The following KDM4D variants were observed in gnomAD, a reference collection of about 807,000 sequenced individuals.
The protein encoded by KDM4D is lysine-specific demethylase 4D.
For missense variants in KDM4D, 427 were observed against 674.8 expected (o/e 0.63, Z 4.07); for synonymous variants, 254 against 249.1 (o/e 1.02, Z -0.19).
At chr11:94,990,328 T>G (rs1005964839) in intron 2 of KDM4D, among the ~76,000 whole-genome samples, 3 of 152,144 alleles carry the variant, frequency 2.0e-5, no homozygotes, top group Admixed American at 6.5e-5. Flanking sequence ...GAGGTTGGTA[T>G]AGAAGGAACC....
At position 94,989,843 on chromosome 11, in the gene KDM4D, G is replaced by T. The variant is rs1379478176; in HGVS notation, c.-349-7181G>T. Among the ~76,000 whole-genome samples, 4 of 149,082 alleles carry T rather than the reference G, an allele frequency of 2.7e-5. No individual in the cohort carries two copies. The East Asian group carries it at 7.9e-4, about 29-fold the overall frequency. ...CTCAGCTCACTGCAACCTCCGCCAGGTTGAACCTCCCAGGTTCAAGTGATT... is the reference window on the plus strand; with the variant it reads ...CTCAGCTCACTGCAACCTCCGCCAGTTTGAACCTCCCAGGTTCAAGTGATT... On this transcript the variant is annotated intron_variant, in intron 2 of 2. Transcript: ENST00000335080.
chr11:94,997,309 G>C lies in KDM4D; in HGVS notation c.-64G>C. On this transcript the variant is annotated 5_prime_UTR_variant, in exon 3 of 3. Coordinates refer to ENST00000335080, the MANE Select transcript of KDM4D (RefSeq NM_018039.3). ...ACCAGTCAAATTTTTTTTTAAAGTA[G>C]CATTTTCCTACATTGTCAACTATCT... 1 of 1,332,168 alleles carries C rather than the reference G, an allele frequency of 7.5e-7. No individual in the cohort carries two copies. Among genetic ancestry groups the C allele is most frequent in the Non-Finnish European group, 1.0e-6 (1 of 999,222 alleles). 82.5% of individuals were successfully genotyped at this position (1,332,168 alleles called of 1,614,324 possible).
At chr11:94,978,208 A>G (rs587627294) in intron 2 of KDM4D, among the ~76,000 whole-genome samples, 1 of 152,260 alleles carries the variant, frequency 6.6e-6, no homozygotes, top group African/African-American at 2.4e-5. Flanking sequence ...ACTGTCTCCA[A>G]TTCTACTAAA....
chr11:94,986,009 C>T (rs1204642975), intron 2 of KDM4D, among the ~76,000 whole-genome samples: 1 of 152,112 alleles, frequency 6.6e-6, no homozygotes, highest in Non-Finnish European at 1.5e-5. Context: ...TTCTTAGACA[C>T]AAAGCCAAAA....
intron 2 of KDM4D, among the ~76,000 whole-genome samples, chr11:94,977,022 A>G (rs1166282817): frequency 2.0e-5 from 3 of 152,164 alleles, no homozygotes; most frequent in Non-Finnish European, 4.4e-5. Flanking sequence ...TGCCTATAAC[A>G]TATAAAGGAT....
In KDM4D at chr11:94,997,261, G is replaced by T; in HGVS notation, c.-112G>T. Reference sequence around the variant, plus strand: ...TTGCAAAAAAAAAAGTACGCTGGTAGATCCTGCTACCTCATAGATAACACC... The same window carrying T: ...TTGCAAAAAAAAAAGTACGCTGGTATATCCTGCTACCTCATAGATAACACC... On this transcript the variant is annotated 5_prime_UTR_variant, in exon 3 of 3. Coordinates refer to ENST00000335080, the MANE Select transcript of KDM4D (RefSeq NM_018039.3). 3 of 739,482 alleles carry T rather than the reference G, an allele frequency of 4.1e-6. No individual in the cohort carries two copies. Among genetic ancestry groups the T allele is most frequent in the East Asian group, 2.7e-5 (1 of 36,650 alleles). The allele number at this position is 739,482 out of a possible 1,614,324, so 45.8% of individuals were successfully genotyped here. A position where few individuals can be genotyped will look rare whatever the true frequency, so the allele number is the denominator to read the frequency against.
At chr11:94,984,306 G>T (rs1382705743) in intron 2 of KDM4D, among the ~76,000 whole-genome samples, 2 of 151,660 alleles carry the variant, frequency 1.3e-5, no homozygotes, top group East Asian at 3.9e-4. Context: ...ACCAGCCTGG[G>T]CAACATGGCA....
intron 2 of KDM4D, among the ~76,000 whole-genome samples, chr11:94,995,151 AT>A (rs1857965723): frequency 6.6e-6 from 1 of 152,244 alleles, no homozygotes; most frequent in Admixed American, 6.5e-5. Flanking sequence ...GACACAGATT[AT>A]GTTCTCAATA....
chr11:94,993,513 G>GTT (rs201151130), intron 2 of KDM4D, among the ~76,000 whole-genome samples: 383 of 141,974 alleles, frequency 2.7e-3, no homozygotes, highest in Admixed American at 4.1e-3. Context: ...ATTCTAAGCA[G>GTT]TTTTTTTTTT....
Position 94,999,085 on chromosome 11 carries a change from TGCTG to T in KDM4D, c.*142_*145del. 1 of 716,278 alleles carries T rather than the reference TGCTG, an allele frequency of 1.4e-6. No homozygotes were observed. The highest frequency in any genetic ancestry group is 2.1e-6 in the Non-Finnish European group (1 of 479,062). The allele number at this position is 716,278 out of a possible 1,614,324, so 44.4% of individuals were successfully genotyped here. A position where few individuals can be genotyped will look rare whatever the true frequency, so the allele number is the denominator to read the frequency against. Reference sequence around the variant, plus strand: ...GAGCCCCCCTGGTGATGCCCTTGGATGCTGCCAAGTCCATGGTAGTTTTCAATTT... The same window carrying T: ...GAGCCCCCCTGGTGATGCCCTTGGATCCAAGTCCATGGTAGTTTTCAATTT... On this transcript the variant is annotated 3_prime_UTR_variant, in exon 3 of 3. Coordinates refer to ENST00000335080, the MANE Select transcript of KDM4D (RefSeq NM_018039.3).
chr11:94,990,649 TG>T (rs1397912012), intron 2 of KDM4D, among the ~76,000 whole-genome samples: 1 of 152,204 alleles, frequency 6.6e-6, no homozygotes, highest in African/African-American at 2.4e-5. Context: ...AAACAGGTAG[TG>T]GCCAGTTTTG....
chr11:94,984,693 TAA>T (rs35239329), intron 2 of KDM4D, among the ~76,000 whole-genome samples: 28 of 87,740 alleles, frequency 3.2e-4, no homozygotes, highest in East Asian at 6.6e-4. Flanking sequence ...CCATCTCTAC[TAA>T]AAAAAAAAAA....
intron 2 of KDM4D, among the ~76,000 whole-genome samples, chr11:94,977,126 C>T (rs1374811957): frequency 6.6e-6 from 1 of 152,092 alleles, no homozygotes; most frequent in African/African-American, 2.4e-5. Flanking sequence ...TCAGAAAAAG[C>T]AATTTCAAAT....
intron 2 of KDM4D, among the ~76,000 whole-genome samples, chr11:94,993,726 G>T (rs1201330843): frequency 6.6e-6 from 1 of 151,972 alleles, no homozygotes; most frequent in Non-Finnish European, 1.5e-5. Context: ...AAATATATAG[G>T]TTTGTGTGAT....
chr11:94,983,906 A>T (rs781841987), intron 2 of KDM4D, among the ~76,000 whole-genome samples: 4 of 152,190 alleles, frequency 2.6e-5, no homozygotes, highest in African/African-American at 7.2e-5. Context: ...ATTGCCTAGT[A>T]AAATTAAAAT....
chr11:94,977,653 A>G (rs1472186408), intron 2 of KDM4D, among the ~76,000 whole-genome samples: 1 of 151,890 alleles, frequency 6.6e-6, no homozygotes, highest in African/African-American at 2.4e-5. Flanking sequence ...TCTTCTTTTT[A>G]TCTTTTAAAA....
intron 2 of KDM4D, among the ~76,000 whole-genome samples, chr11:94,988,716 G>T (rs116652685): frequency 1.3e-5 from 2 of 152,270 alleles, no homozygotes; most frequent in African/African-American, 2.4e-5. Context: ...GGATACACAG[G>T]CTCCAATCCC....
At chr11:94,976,547 G>C (rs587759055) in intron 2 of KDM4D, among the ~76,000 whole-genome samples, 1 of 152,188 alleles carries the variant, frequency 6.6e-6, no homozygotes, top group South Asian at 2.1e-4. Flanking sequence ...CTTAGTGGCT[G>C]GCATTTTGCT....
At chr11:94,986,401 G>T (rs1857887595) in intron 2 of KDM4D, among the ~76,000 whole-genome samples, 1 of 152,024 alleles carries the variant, frequency 6.6e-6, no homozygotes, top group South Asian at 2.1e-4. Flanking sequence ...ACCAGCCTGG[G>T]CAACATAGTG....
Sources: allele counts gnomAD v4.1 joint callset (sites outside exome capture counted in the v4.1 genomes callset), GRCh38; gene constraint gnomAD v4.1.1; transcripts MANE v1.5; gene names NCBI Gene and HGNC (gene_info 2026-07-23, HGNC 2026-07-21).